GSG1: variants seen among roughly 807,000 people sequenced by gnomAD.
The protein encoded by GSG1 is germ cell associated 1.
GSG1 carries 28 observed loss-of-function variants against 30.8 expected under a neutral mutation model. That is an observed-to-expected ratio of 0.91 (90% CI 0.67 to 1.25). The LOEUF (loss-of-function observed/expected upper bound fraction) is 1.25, where lower values mean the gene tolerates loss of function less well. GSG1 is among the 50% of genes most tolerant of loss of function. The pLI is 0.00. For synonymous variants in GSG1, 162 were observed against 178.0 expected (o/e 0.91, Z 0.71); for missense variants, 435 against 444.7 (o/e 0.98, Z 0.20).
chr12:13,095,483 T>C, intron 1 of GSG1: 1 of 1,022,684 alleles, frequency 9.8e-7, no homozygotes, highest in Non-Finnish European at 1.6e-6. Flanking sequence ...TAACCCAGAA[T>C]TAGCATAGGC....
intron 1 of GSG1, 75 bp from the exon 2 acceptor site, chr12:13,090,893 A>G (rs560521184): frequency 1.6e-6 from 2 of 1,276,328 alleles, no homozygotes; most frequent in East Asian, 4.7e-5. Flanking sequence ...AGATGTGGCC[A>G]TCCTTCCCTG....
intron 1 of GSG1, among the ~76,000 whole-genome samples, chr12:13,099,763 T>TTTGTTTTTG (rs1565551402): frequency 2.0e-4 from 29 of 148,662 alleles, no homozygotes; most frequent in African/African-American, 7.3e-4. Context: ...TTTTTTTTTT[T>TTTGTTTTTG]TTTTTGTTTT....
chr12:13,087,314 T>G, intron 5 of GSG1, 51 bp from the exon 6 acceptor site: 2 of 1,397,804 alleles, frequency 1.4e-6, no homozygotes, highest in Non-Finnish European at 1.0e-6. Context: ...TTTCATGCCA[T>G]CTGCCAGGAG....
chr12:13,093,097 G>T lies in GSG1; in HGVS notation c.49-2279C>A, dbSNP rs372722854. ...AGGCGTTAAGCCACCACGCCTGGCCGGTTATATAAGCTTTTAACTTTATGT... is the reference window on the plus strand; with the variant it reads ...AGGCGTTAAGCCACCACGCCTGGCCTGTTATATAAGCTTTTAACTTTATGT... On this transcript the variant is annotated intron_variant, in intron 1 of 6. Coordinates refer to ENST00000651961, the MANE Select transcript of GSG1 (RefSeq NM_001080555.4). The surrounding 1 kb of genome is among the most constrained non-coding windows in gnomAD (Gnocchi z 4.6). Among the ~76,000 whole-genome samples the T allele has an allele frequency of 2.1e-3, 313 of 151,386 alleles. 1 individual carries two copies. The highest frequency in any genetic ancestry group is 3.2e-3 in the Admixed American group (49 of 15,228).
intron 1 of GSG1, among the ~76,000 whole-genome samples, chr12:13,091,158 G>A (rs1237471974): frequency 6.6e-6 from 1 of 152,146 alleles, no homozygotes; most frequent in Non-Finnish European, 1.5e-5. Flanking sequence ...CTCAAGGTGG[G>A]TTGTAGAAAC....
intron 1 of GSG1, among the ~76,000 whole-genome samples, chr12:13,099,112 G>T (rs1277233907): frequency 1.3e-5 from 2 of 152,068 alleles, no homozygotes; most frequent in South Asian, 2.1e-4. Flanking sequence ...GACCAGTCTT[G>T]ATTCCCCCTC....
intron 4 of GSG1, 194 bp downstream of exon 4, chr12:13,088,668 A>T: frequency 7.3e-7 from 1 of 1,378,318 alleles, no homozygotes; most frequent in Non-Finnish European, 1.0e-6. Flanking sequence ...GTGGGAGATC[A>T]CAGTGCAGTT....
At chr12:13,096,664 C>A (rs1866690752) in intron 1 of GSG1, among the ~76,000 whole-genome samples, 1 of 151,804 alleles carries the variant, frequency 6.6e-6, no homozygotes, top group Non-Finnish European at 1.5e-5. Context: ...AAAGGAATGA[C>A]AATATTTTAT....
At position 13,083,737 on chromosome 12, in the gene GSG1, A is replaced by C. The variant is rs1017307956; in HGVS notation, c.*1164T>G. The C allele has an allele frequency of 8.1e-6, 1 of 123,956 alleles. No homozygotes were observed. The highest frequency in any genetic ancestry group is 1.1e-4 in the Admixed American group (1 of 9,018). The allele number at this position is 123,956 out of a possible 1,614,324, so 7.7% of individuals were successfully genotyped here. Reference sequence around the variant, plus strand: ...GTGTGATGTTCCCCACCCTGTGTCCAAGTGTTTTTATTGTTCAATTCCCAC... The same window carrying C: ...GTGTGATGTTCCCCACCCTGTGTCCCAGTGTTTTTATTGTTCAATTCCCAC... On this transcript the variant is annotated 3_prime_UTR_variant, in exon 7 of 7. Transcript: ENST00000651961.
At chr12:13,092,741 T>A (rs1233908516) in intron 1 of GSG1, among the ~76,000 whole-genome samples, 1 of 152,102 alleles carries the variant, frequency 6.6e-6, no homozygotes, top group Non-Finnish European at 1.5e-5. Flanking sequence ...GTGTTCTGAA[T>A]AAGCATCAGA....
chr12:13,085,204 A>G lies in GSG1; in HGVS notation c.786T>C (p.Ala262=). 1 of 1,611,770 alleles carries G rather than the reference A, an allele frequency of 6.2e-7. No homozygotes were observed. Among genetic ancestry groups the G allele is most frequent in the Non-Finnish European group, 8.5e-7 (1 of 1,178,212 alleles). ...WLSFTCCMAS[A]VTTFNTYTRM... is the part of the protein sequence containing the mutation. ...TGGTGTACGTGTTGAAGGTGGTGAC[A>G]GCCGACGCCATGCAGCAGGTGAAGG... Residue 262 remains alanine (A), a synonymous_variant, in exon 7 of 7, where the codon GCT becomes GCC. Transcript: ENST00000651961.
At position 13,084,848 on chromosome 12, in the gene GSG1, TCAG is replaced by T; in HGVS notation, c.*50_*52del. 8.5e-7 allele frequency: 1 copy of T among 1,178,610 alleles called. No individual in the cohort carries two copies. The highest frequency in any genetic ancestry group is 1.5e-5 in the South Asian group (1 of 65,850). The allele number at this position is 1,178,610 out of a possible 1,614,324, so 73.0% of individuals were successfully genotyped here. A position where few individuals can be genotyped will look rare whatever the true frequency, so the allele number is the denominator to read the frequency against. On this transcript the variant is annotated 3_prime_UTR_variant, in exon 7 of 7. Coordinates refer to ENST00000651961, the MANE Select transcript of GSG1 (RefSeq NM_001080555.4). Reference sequence around the variant, plus strand: ...TGTTGGCTTAAGCACATGTTGATAATCAGCAGACGTGTAAGGTAGGGCTCAAGC... The same window carrying T: ...TGTTGGCTTAAGCACATGTTGATAATCAGACGTGTAAGGTAGGGCTCAAGC...
At chr12:13,095,866 G>T in intron 1 of GSG1, 1 of 1,253,416 alleles carries the variant, frequency 8.0e-7, no homozygotes, top group Non-Finnish European at 1.1e-6. Context: ...TGCCAATGGG[G>T]ATCTGGGATT....
Position 13,084,827 on chromosome 12 carries a change from G to T in GSG1, c.*74C>A. ...AAACCATGCTCAAGAGACGGATGTTGGCTTAAGCACATGTTGATAATCAGC... is the reference window on the plus strand; with the variant it reads ...AAACCATGCTCAAGAGACGGATGTTTGCTTAAGCACATGTTGATAATCAGC... On this transcript the variant is annotated 3_prime_UTR_variant, in exon 7 of 7. Transcript: ENST00000651961. 2.1e-6 allele frequency: 2 copies of T among 964,660 alleles called. No individual in the cohort carries two copies. Among genetic ancestry groups the T allele is most frequent in the Non-Finnish European group, 3.1e-6 (2 of 647,906 alleles). The allele number at this position is 964,660 out of a possible 1,614,324, so 59.8% of individuals were successfully genotyped here.
At position 13,090,776 on chromosome 12, in the gene GSG1, A is replaced by G; in HGVS notation, c.91T>C (p.Ser31Pro). The change falls in exon 2 of 7, where the codon TCT becomes CCT. Residue 31 changes from serine to proline, a missense_variant. By Grantham distance (74) the Ser-to-Pro change is moderately conservative (BLOSUM62 -1). Transcript: ENST00000651961. ...AGTGATAGCATGCTGAGGATGGCAG[A>G]TAGGAGTGTCCGCTGGCCAGAGAAG... ...KAFSGQRTLL[S>P]AILSMLSLSF... 6.2e-7 allele frequency: 1 copy of G among 1,614,138 alleles called. No homozygotes were observed. The highest frequency in any genetic ancestry group is 1.1e-5 in the South Asian group (1 of 91,066).
At chr12:13,095,915 ATTTTC>A in intron 1 of GSG1, 1 of 731,478 alleles carries the variant, frequency 1.4e-6, no homozygotes, top group Non-Finnish European at 2.1e-6. Flanking sequence ...TGCAGAGGAA[ATTTTC>A]TTTAAAAAGT....
intron 1 of GSG1, among the ~76,000 whole-genome samples, chr12:13,095,380 G>A (rs558467908): frequency 2.5e-4 from 38 of 152,176 alleles, no homozygotes; most frequent in Non-Finnish European, 4.4e-4. Flanking sequence ...GGGACAGAGT[G>A]GTTTCTCTAA....
Position 13,093,574 on chromosome 12 carries a change from C to T in GSG1, c.49-2756G>A, listed in dbSNP as rs1432628823. The stretch of plus-strand genomic sequence containing the variant: ...GTCGGGCCCAGCTTCCATCCACTGC[C>T]ACAGAGACAATAGAGTTTCAAATGC... On this transcript the variant is annotated intron_variant, in intron 1 of 6. Transcript: ENST00000651961. The surrounding 1 kb of genome is among the most constrained non-coding windows in gnomAD (Gnocchi z 4.6). 6.6e-6 allele frequency among the ~76,000 whole-genome samples: 1 copy of T among 152,138 alleles called. No homozygotes were observed. The highest frequency in any genetic ancestry group is 2.4e-5 in the African/African-American group (1 of 41,424).
chr12:13,102,652 C>G (rs937511862), intron 1 of GSG1, among the ~76,000 whole-genome samples: 2 of 152,232 alleles, frequency 1.3e-5, no homozygotes, highest in African/African-American at 4.8e-5. Context: ...CAACATACCA[C>G]ATTGCTCCCT....
Sources: allele counts gnomAD v4.1 joint callset (sites outside exome capture counted in the v4.1 genomes callset), GRCh38; gene constraint gnomAD v4.1.1; non-coding constraint Gnocchi (gnomAD v3.1); transcripts MANE v1.5; gene names NCBI Gene and HGNC (gene_info 2026-07-23, HGNC 2026-07-21).